CPN1: variants seen among roughly 807,000 people sequenced by gnomAD.
CPN1 encodes carboxypeptidase N catalytic chain.
A neutral mutation model predicts 46.4 loss-of-function variants in CPN1; 37 were observed. The ratio of observed to expected loss-of-function variants is 0.80; its 90% CI spans 0.61 to 1.05. The LOEUF is 1.05. CPN1 is among the 50% of genes least tolerant of loss of function. The probability of loss-of-function intolerance (pLI) is 0.00; values close to 1 mark genes in which losing one functional copy is unlikely to be tolerated. For synonymous variants in CPN1, 224 were observed against 235.4 expected, an observed-to-expected ratio of 0.95 and a Z score of 0.44; for missense variants, 563 against 602.6, an observed-to-expected ratio of 0.93 and a Z score of 0.69.
intron 8 of CPN1, among the ~76,000 whole-genome samples, chr10:100,044,953 C>T (rs544220543): frequency 5.3e-5 from 8 of 152,298 alleles, no homozygotes; most frequent in African/African-American, 1.7e-4. Flanking sequence ...TCAAGTGATC[C>T]GCCTGCCTCA....
At chr10:100,063,277 C>A (rs2041431236) in intron 5 of CPN1, among the ~76,000 whole-genome samples, 1 of 152,036 alleles carries the variant, frequency 6.6e-6, no homozygotes, top group Admixed American at 6.6e-5. Flanking sequence ...CCCGCCACCA[C>A]ACCCGGCTAA....
At chr10:100,058,261 T>C (rs979047548) in intron 5 of CPN1, among the ~76,000 whole-genome samples, 1 of 152,226 alleles carries the variant, frequency 6.6e-6, no homozygotes, top group Non-Finnish European at 1.5e-5. Context: ...CTATAGACTA[T>C]GCACATGACC....
At chr10:100,075,876 T>C (rs377653573) in intron 2 of CPN1, 35 bp downstream of exon 2, 131 of 1,608,716 alleles carry the variant, frequency 8.1e-5, no homozygotes, top group Non-Finnish European at 1.1e-4. Context: ...AAGAAGGCCT[T>C]GATCTCTCCC....
intron 3 of CPN1, among the ~76,000 whole-genome samples, chr10:100,069,114 A>G (rs935426325): frequency 6.6e-6 from 1 of 152,228 alleles, no homozygotes; most frequent in Non-Finnish European, 1.5e-5. Context: ...TGGCTGTGAA[A>G]TAATTCTGGA....
intron 1 of CPN1, among the ~76,000 whole-genome samples, chr10:100,077,908 C>A (rs764737333): frequency 3.3e-5 from 5 of 151,836 alleles, no homozygotes; most frequent in African/African-American, 1.2e-4. Context: ...TAAAAAAAAA[C>A]AACAACAACA....
chr10:100,047,924 G>A (rs1416855876), intron 8 of CPN1, among the ~76,000 whole-genome samples: 9 of 152,028 alleles, frequency 5.9e-5, no homozygotes, highest in African/African-American at 1.7e-4. Flanking sequence ...CCTGGGAGGC[G>A]GGTGTTGCGG....
Position 100,069,777 on chromosome 10 carries a change from G to A in CPN1, c.513C>T (p.Tyr171=). 1 of 1,613,820 alleles carries A rather than the reference G, an allele frequency of 6.2e-7. No individual in the cohort carries two copies. Among genetic ancestry groups the A allele is most frequent in the South Asian group, 1.1e-5 (1 of 91,070 alleles). Residue 171 remains tyrosine (Y), a synonymous_variant, in exon 3 of 9, where the codon TAC becomes TAT. Transcript: ENST00000370418. ...TGGGGCCTCCGTACTTCTCGTTATA[G>A]TAGATATAGGTATTGAGATCAGGGA... The part of the protein sequence containing the change: ...RNFPDLNTYI[Y]YNEKYGGPNH...
At chr10:100,067,534 C>G (rs913386415) in intron 3 of CPN1, among the ~76,000 whole-genome samples, 2 of 152,244 alleles carry the variant, frequency 1.3e-5, no homozygotes, top group African/African-American at 4.8e-5. Flanking sequence ...CCCCAGAATA[C>G]TCCATTTGGG....
At chr10:100,061,918 T>C (rs2041420949) in intron 5 of CPN1, among the ~76,000 whole-genome samples, 2 of 152,128 alleles carry the variant, frequency 1.3e-5, no homozygotes, top group South Asian at 4.1e-4. Context: ...CATAGCTCAC[T>C]GTAGCCTTGA....
chr10:100,048,792 A>G lies in CPN1; in HGVS notation c.1196T>C (p.Val399Ala). The G allele has an allele frequency of 1.2e-6, 2 of 1,613,656 alleles. No homozygotes were observed. The highest frequency in any genetic ancestry group is 1.7e-6 in the Non-Finnish European group (2 of 1,179,662). ...ATAPGYDPET[V>A]TVTVGPAEPT... Reference sequence around the variant, plus strand: ...TTCCGCAGGACCCACGGTCACAGTTACTGTCTCTGGGTCATACCCAGGTGC... The same window carrying G: ...TTCCGCAGGACCCACGGTCACAGTTGCTGTCTCTGGGTCATACCCAGGTGC... Residue 399 changes from valine (V) to alanine (A), a missense_variant, in exon 8 of 9, where the codon GTA becomes GCA. Physicochemically the swap from Val to Ala is moderately conservative, Grantham distance 64. Transcript: ENST00000370418.
intron 7 of CPN1, among the ~76,000 whole-genome samples, chr10:100,049,585 TAAAC>T (rs944734125): frequency 6.6e-6 from 1 of 151,096 alleles, no homozygotes; most frequent in Admixed American, 6.6e-5. Context: ...TCAAAATAAA[TAAAC>T]AGAGTCCGGT....
chr10:100,054,338 AC>A lies in CPN1; in HGVS notation c.1111+8del, dbSNP rs1336905550. The A allele has an allele frequency of 2.5e-6, 4 of 1,609,474 alleles. No homozygotes were observed. Among genetic ancestry groups the A allele is most frequent in the Admixed American group, 1.7e-5 (1 of 59,978 alleles). ...GCTTCCTTCTTACCCCTAAGCAGTGACCACCTACCTGAAGTGACATCATGGT... is the reference window on the plus strand; with the variant it reads ...GCTTCCTTCTTACCCCTAAGCAGTGACACCTACCTGAAGTGACATCATGGT... On this transcript the variant is annotated splice_region_variant and intron_variant, in intron 7 of 8. Transcript: ENST00000370418.
intron 5 of CPN1, among the ~76,000 whole-genome samples, chr10:100,059,240 G>A (rs753965799): frequency 2.0e-5 from 3 of 152,062 alleles, no homozygotes; most frequent in Non-Finnish European, 4.4e-5. Flanking sequence ...GTATCTCTAG[G>A]ACAGAATAGG....
intron 3 of CPN1, among the ~76,000 whole-genome samples, chr10:100,068,879 T>A (rs1324702487): frequency 6.6e-6 from 1 of 152,180 alleles, no homozygotes. Flanking sequence ...AGCACACAGC[T>A]TATCACGAGT....
chr10:100,060,333 G>A (rs1392518205), intron 5 of CPN1, among the ~76,000 whole-genome samples: 4 of 152,074 alleles, frequency 2.6e-5, no homozygotes, highest in Admixed American at 6.6e-5. Context: ...AGGCTGAGGC[G>A]GGCGGATCAC....
intron 2 of CPN1, among the ~76,000 whole-genome samples, chr10:100,070,701 C>T (rs2041479214): frequency 6.6e-6 from 1 of 152,074 alleles, no homozygotes; most frequent in Non-Finnish European, 1.5e-5. Flanking sequence ...CTGCAGATCA[C>T]GTGTAAGAGG....
intron 8 of CPN1, among the ~76,000 whole-genome samples, chr10:100,044,938 T>C (rs1049358066): frequency 2.0e-5 from 3 of 152,214 alleles, no homozygotes; most frequent in Non-Finnish European, 2.9e-5. Context: ...CTCGAATTCC[T>C]GACCTCAAGT....
intron 7 of CPN1, 94 bp from the exon 8 acceptor site, chr10:100,048,970 T>A: frequency 1.0e-6 from 1 of 1,003,486 alleles, no homozygotes; most frequent in South Asian, 1.3e-5. Context: ...GGCTTTTCTT[T>A]TTTTTTGAGA....
chr10:100,054,042 A>G (rs930234529), intron 7 of CPN1, among the ~76,000 whole-genome samples: 1 of 152,224 alleles, frequency 6.6e-6, no homozygotes, highest in Non-Finnish European at 1.5e-5. Flanking sequence ...ACAAAATTGT[A>G]TGCGGTAGCA....
Sources: gnomAD v4.1 joint callset for allele counts (sites outside exome capture counted in the v4.1 genomes callset) on GRCh38, gnomAD v4.1.1 for gene constraint, MANE v1.5 for transcripts, NCBI Gene and HGNC (gene_info 2026-07-23, HGNC 2026-07-21) for gene names.